Variants in ZNF707 observed in about 807,000 individuals in gnomAD.
ZNF707 encodes the protein zinc finger protein 707.
In ZNF707, 8 loss-of-function variants were observed where a neutral mutation model predicts 13.3. That is an observed-to-expected ratio of 0.60 (90% confidence interval 0.35 to 1.09). The LOEUF (loss-of-function observed/expected upper bound fraction) is 1.09. Ranked by LOEUF, ZNF707 falls within the 50% of genes least tolerant of loss-of-function variation. ZNF707 has a pLI of 0.02. For missense variants in ZNF707, 530 were observed against 512.6 expected (o/e 1.03, Z -0.33); for synonymous variants, 225 against 205.6 (o/e 1.09, Z -0.81).
In ZNF707 at chr8:143,693,665, C is replaced by A; in HGVS notation, c.257-6C>A. Reference sequence around the variant, plus strand: ...CTCTGTGTAAGGGTGTCTGTTCCTTCCACAGGGGCAAGGAAGTCTGCAGAC... The same window carrying A: ...CTCTGTGTAAGGGTGTCTGTTCCTTACACAGGGGCAAGGAAGTCTGCAGAC... On this transcript the variant is annotated splice_region_variant and splice_polypyrimidine_tract_variant and intron_variant, in intron 5 of 5. Transcript: ENST00000358656. This position sits in a 1 kb window ranked among gnomAD's most constrained non-coding sequence, Gnocchi z 4.1. 2 of 1,567,794 alleles carry A rather than the reference C, an allele frequency of 1.3e-6. No homozygotes were observed. Among genetic ancestry groups the A allele is most frequent in the Non-Finnish European group, 8.6e-7 (1 of 1,158,776 alleles).
In ZNF707 at chr8:143,694,143, G is replaced by T; in HGVS notation, c.729G>T (p.Leu243=). Residue 243 remains leucine, a synonymous_variant, in exon 6 of 6, where the codon CTG becomes CTT. Transcript: ENST00000358656. The surrounding 1 kb of genome is among the most constrained non-coding windows in gnomAD (Gnocchi z 4.4). Reference sequence around the variant, plus strand: ...AGGCCTGCGGGCAGGCGTTCAGCCTGAAGGACCGCCTGGCTCAGCACCGCA... The same window carrying T: ...AGGCCTGCGGGCAGGCGTTCAGCCTTAAGGACCGCCTGGCTCAGCACCGCA... ...CCEACGQAFS[L]KDRLAQHRKV... 1 of 1,592,034 alleles carries T rather than the reference G, an allele frequency of 6.3e-7. No individual in the cohort carries two copies.
At chr8:143,691,979 G>C in intron 5 of ZNF707, 1 of 1,433,784 alleles carries the variant, frequency 7.0e-7, no homozygotes. Context: ...AGGCTGGAGT[G>C]ACACTTGAAG....
At chr8:143,685,083 A>G (rs991037492) in intron 1 of ZNF707, 3 of 152,044 alleles carry the variant, frequency 2.0e-5, no homozygotes, top group Non-Finnish European at 2.9e-5. Flanking sequence ...TTAGCTCCAT[A>G]ACTGAACCAT....
intron 2 of ZNF707, among the ~76,000 whole-genome samples, chr8:143,689,689 C>T (rs1332381344): frequency 1.3e-5 from 2 of 152,200 alleles, no homozygotes; most frequent in African/African-American, 2.4e-5. Context: ...GAGGAGGAGC[C>T]TCCGCTGCCT....
At position 143,694,070 on chromosome 8, in the gene ZNF707, T is replaced by C; in HGVS notation, c.656T>C (p.Leu219Pro). The change falls in exon 6 of 6, where the codon CTG becomes CCG. Residue 219 changes from leucine to proline, a missense_variant. By Grantham distance (98) the Leu-to-Pro change is moderately conservative. Transcript: ENST00000358656. This position sits in a 1 kb window ranked among gnomAD's most constrained non-coding sequence, Gnocchi z 4.4. ...CAGACCTTCCGGTGGGCTTCAAACC[T>C]GCAGCGCCACCAGAAGAACCACACG... ...CGQTFRWASN[L>P]QRHQKNHTRE... 7.5e-6 allele frequency: 12 copies of C among 1,607,848 alleles called. No individual in the cohort carries two copies. The highest frequency in any genetic ancestry group is 9.3e-6 in the Non-Finnish European group (11 of 1,178,052).
Position 143,694,379 on chromosome 8 carries a change from G to GC in ZNF707, c.966dup (p.Lys323GlnfsTer139). The GC allele has an allele frequency of 6.2e-7, 1 of 1,612,042 alleles. No homozygotes were observed. Among genetic ancestry groups the GC allele is most frequent in the Non-Finnish European group, 8.5e-7 (1 of 1,179,432 alleles). ...AAGCCCTACACCTGTGCCGAGTGCG[G>GC]CAAGTCCTTCCGGTGGCCCAAGGGC... On this transcript the variant is annotated frameshift_variant, in exon 6 of 6. Transcript: ENST00000358656. LOFTEE classifies it low-confidence loss of function (END_TRUNC). This position sits in a 1 kb window ranked among gnomAD's most constrained non-coding sequence, Gnocchi z 4.4.
intron 1 of ZNF707, chr8:143,686,788 G>C (rs547067007): frequency 1.3e-5 from 2 of 150,172 alleles, no homozygotes; most frequent in East Asian, 4.1e-4. Context: ...TTACAGGCGT[G>C]AGCCACTGCA....
At position 143,693,688 on chromosome 8, in the gene ZNF707, G is replaced by A; in HGVS notation, c.274G>A (p.Asp92Asn). 1 of 1,594,734 alleles carries A rather than the reference G, an allele frequency of 6.3e-7. No individual in the cohort carries two copies. The highest frequency in any genetic ancestry group is 8.5e-7 in the Non-Finnish European group (1 of 1,171,198). The change falls in exon 6 of 6, where the codon GAC becomes AAC. Residue 92 changes from aspartate (D) to asparagine (N), a missense_variant. Asp to Asn is a conservative substitution (Grantham distance 23). Transcript: ENST00000358656. The surrounding 1 kb of genome is among the most constrained non-coding windows in gnomAD (Gnocchi z 4.1). ...GPRPGARKSA[D>N]PKRPCDHPAW... is the part of the protein sequence containing the mutation. ...TTCCACAGGGGCAAGGAAGTCTGCAGACCCCAAGAGACCTTGTGATCATCC... is the reference window on the plus strand; with the variant it reads ...TTCCACAGGGGCAAGGAAGTCTGCAAACCCCAAGAGACCTTGTGATCATCC...
chr8:143,694,704 G>C lies in ZNF707; in HGVS notation c.*174G>C. On this transcript the variant is annotated 3_prime_UTR_variant, in exon 6 of 6. Coordinates refer to ENST00000358656, the MANE Select transcript of ZNF707 (RefSeq NM_001100598.2). The surrounding 1 kb of genome is among the most constrained non-coding windows in gnomAD (Gnocchi z 4.4). ...GTTTACTGGGAAAACTGCCAGGTGG[G>C]AGAAGCAGAGCCATGGGTACGCCGG... is the stretch of plus-strand genomic sequence containing the variant. 4.1e-6 allele frequency: 3 copies of C among 726,108 alleles called. No individual in the cohort carries two copies. The highest frequency in any genetic ancestry group is 4.3e-6 in the Non-Finnish European group (2 of 464,914). The allele number at this position is 726,108 out of a possible 1,614,324, so 45.0% of individuals were successfully genotyped here.
At chr8:143,686,086 G>GTT (rs368455685) in intron 1 of ZNF707, among the ~76,000 whole-genome samples, 1 of 148,748 alleles carries the variant, frequency 6.7e-6, no homozygotes, top group Admixed American at 6.7e-5. Context: ...GGGAGAGGGT[G>GTT]TTTTTTTTTT....
chr8:143,694,438 A>G lies in ZNF707; in HGVS notation c.1024A>G (p.Arg342Gly). Residue 342 changes from arginine to glycine, a missense_variant, in exon 6 of 6, where the codon AGG becomes GGG. By Grantham distance (125) the Arg-to-Gly change is moderately radical. Transcript: ENST00000358656. This position sits in a 1 kb window ranked among gnomAD's most constrained non-coding sequence, Gnocchi z 4.4. ...CCACCGGAGGCTGCACCTGACGAAGAGGTTCTACGAGTGCGGCCACTGTGG... is the reference window on the plus strand; with the variant it reads ...CCACCGGAGGCTGCACCTGACGAAGGGGTTCTACGAGTGCGGCCACTGTGG... ...SIHRRLHLTKRFYECGHCGKG... is the reference protein window; with the variant it reads ...SIHRRLHLTKGFYECGHCGKG... The G allele has an allele frequency of 6.2e-7, 1 of 1,612,318 alleles. No individual in the cohort carries two copies. Among genetic ancestry groups the G allele is most frequent in the Non-Finnish European group, 8.5e-7 (1 of 1,179,552 alleles).
chr8:143,686,747 C>T (rs1163873132), intron 1 of ZNF707, among the ~76,000 whole-genome samples: 1 of 152,048 alleles, frequency 6.6e-6, no homozygotes, highest in Admixed American at 6.5e-5. Flanking sequence ...CTCAAGCAAT[C>T]CCCCTGCCTT....
chr8:143,691,608 A>T lies in ZNF707; in HGVS notation c.151A>T (p.Ser51Cys). ...TTCTCTCCTTTGAGAAGGATTTTGC[A>T]GCCCCAGACCAGACCTCGTCTCTCG... ...FSSVAALGFC[S>C]PRPDLVSRLE... The change falls in exon 5 of 6, where the codon AGC (serine) becomes TGC (cysteine). Residue 51 changes from serine (S) to cysteine (C), a missense_variant. Physicochemically the swap from Ser to Cys is moderately radical, Grantham distance 112 (BLOSUM62 -1). Coordinates refer to ENST00000358656, the MANE Select transcript of ZNF707 (RefSeq NM_001100598.2). 1 of 1,606,714 alleles carries T rather than the reference A, an allele frequency of 6.2e-7. No homozygotes were observed. Among genetic ancestry groups the T allele is most frequent in the East Asian group, 2.2e-5 (1 of 44,478 alleles).
At chr8:143,692,100 G>T in intron 5 of ZNF707, 4 of 1,332,378 alleles carry the variant, frequency 3.0e-6, no homozygotes, top group Non-Finnish European at 3.9e-6. Context: ...GCACGTGAGG[G>T]TCTCCAGGTA....
rs1227084911 is a variant in ZNF707 at position 143,693,604 on chromosome 8, C to T, written c.257-67C>T. The T allele has an allele frequency of 6.1e-6, 9 of 1,469,140 alleles. No homozygotes were observed. In the Admixed American group the frequency reaches 8.1e-5, roughly 13 times the overall value. 91.0% of individuals were successfully genotyped at this position (1,469,140 alleles called of 1,614,324 possible). A position where few individuals can be genotyped will look rare whatever the true frequency, so the allele number is the denominator to read the frequency against. The stretch of plus-strand genomic sequence containing the variant: ...GCCACCGCGCCCGGCCTCCTCTGGG[C>T]TTTGCTGGAGGCACTGCCTGGCTGT... On this transcript the variant is annotated intron_variant, in intron 5 of 5. Coordinates refer to ENST00000358656, the MANE Select transcript of ZNF707 (RefSeq NM_001100598.2). The surrounding 1 kb of genome is among the most constrained non-coding windows in gnomAD (Gnocchi z 4.1).
chr8:143,685,606 G>A (rs1234454198), intron 1 of ZNF707, among the ~76,000 whole-genome samples: 1 of 151,964 alleles, frequency 6.6e-6, no homozygotes, highest in Non-Finnish European at 1.5e-5. Flanking sequence ...TGGGGAGGCT[G>A]AGGCCAGAGG....
rs782699871 is a variant in ZNF707, at chr8:143,693,726, C to T, written c.312C>T (p.His104=). 2.5e-6 allele frequency: 4 copies of T among 1,611,816 alleles called. No individual in the cohort carries two copies. The South Asian group carries it at 3.3e-5, about 13-fold the overall frequency. ...CTTGTGATCATCCAGCTTGGGCTCACAAGAAAACCCACGTGCGGCGAGAAA... is the reference window on the plus strand; with the variant it reads ...CTTGTGATCATCCAGCTTGGGCTCATAAGAAAACCCACGTGCGGCGAGAAA... The part of the protein sequence containing the change: ...KRPCDHPAWA[H]KKTHVRRERA... The change falls in exon 6 of 6, where the codon CAC becomes CAT. Residue 104 remains histidine, a synonymous_variant. Coordinates refer to ENST00000358656, the MANE Select transcript of ZNF707 (RefSeq NM_001100598.2). This position sits in a 1 kb window ranked among gnomAD's most constrained non-coding sequence, Gnocchi z 4.1.
chr8:143,692,036 G>C (rs1413866337), intron 5 of ZNF707: 5 of 1,401,058 alleles, frequency 3.6e-6, no homozygotes, highest in Non-Finnish European at 4.7e-6. Context: ...CCATTGGTGT[G>C]GGTGTCTGAC....
Position 143,694,870 on chromosome 8 carries a change from G to A in ZNF707, c.*340G>A, listed in dbSNP as rs1420332755. On this transcript the variant is annotated 3_prime_UTR_variant, in exon 6 of 6. Transcript: ENST00000358656. The surrounding 1 kb of genome is among the most constrained non-coding windows in gnomAD (Gnocchi z 4.4). ...AGAAGCCTGCCTGGTGCCCACAGCC[G>A]TCTGGCTCAGGGACTCCACCCTGGC... The A allele has an allele frequency of 3.8e-6, 1 of 265,060 alleles. No homozygotes were observed. The highest frequency in any genetic ancestry group is 7.1e-6 in the Non-Finnish European group (1 of 140,702). The allele number at this position is 265,060 out of a possible 1,614,324, so 16.4% of individuals were successfully genotyped here.
Sources: allele counts gnomAD v4.1 joint callset (sites outside exome capture counted in the v4.1 genomes callset), GRCh38; gene constraint gnomAD v4.1.1; non-coding constraint Gnocchi (gnomAD v3.1); transcripts MANE v1.5; gene names NCBI Gene and HGNC (gene_info 2026-07-23, HGNC 2026-07-21).